HMBOX1: variants seen among roughly 807,000 people sequenced by gnomAD.
HMBOX1 encodes homeobox-containing protein 1.
Under a neutral mutation model 54.5 loss-of-function variants are expected in HMBOX1, and 14 were observed. The ratio of observed to expected loss-of-function variants is 0.26; its 90% confidence interval spans 0.17 to 0.40. The LOEUF is 0.40. Among genes scored for constraint, HMBOX1 ranks in the 10% least tolerant of loss-of-function variants. The pLI, the probability that HMBOX1 is intolerant of heterozygous loss-of-function variation, is 1.00. For missense variants in HMBOX1, 332 were observed against 514.4 expected, an observed-to-expected ratio of 0.65 and a Z score of 3.43; for synonymous variants, 160 against 181.0, an observed-to-expected ratio of 0.88 and a Z score of 0.93.
At chr8:29,027,520 G>A (rs1563609683) in intron 6 of HMBOX1, among the ~76,000 whole-genome samples, 1 of 152,130 alleles carries the variant, frequency 6.6e-6, no homozygotes, top group Non-Finnish European at 1.5e-5. Flanking sequence ...GTATGTGACT[G>A]GGACACAAAA....
chr8:28,970,280 A>T lies in HMBOX1; in HGVS notation c.261A>T (p.Thr87=). 6.2e-7 allele frequency: 1 copy of T among 1,614,218 alleles called. No homozygotes were observed. Among genetic ancestry groups the T allele is most frequent in the Non-Finnish European group, 8.5e-7 (1 of 1,180,016 alleles). Residue 87 remains threonine (T), a synonymous_variant, in exon 3 of 10, where the codon ACA becomes ACT. Coordinates refer to ENST00000287701, the MANE Select transcript of HMBOX1 (RefSeq NM_001135726.3). The surrounding 1 kb of genome is among the most constrained non-coding windows in gnomAD (Gnocchi z 4.3). ...TCCCAGCATCTTCCTCTACAGCTACAGCTTCCACACAGACGCAGCATTCGG... is the reference window on the plus strand; with the variant it reads ...TCCCAGCATCTTCCTCTACAGCTACTGCTTCCACACAGACGCAGCATTCGG... ...NNVPASSSTA[T]ASTQTQHSGM...
intron 1 of HMBOX1, among the ~76,000 whole-genome samples, chr8:28,895,539 G>A (rs1389485125): frequency 6.6e-6 from 1 of 152,118 alleles, no homozygotes; most frequent in Non-Finnish European, 1.5e-5. Context: ...GCTGGGTATG[G>A]TGGTGCATGC....
intron 1 of HMBOX1, among the ~76,000 whole-genome samples, chr8:28,930,139 G>T (rs900163288): frequency 6.6e-6 from 1 of 151,950 alleles, no homozygotes; most frequent in African/African-American, 2.4e-5. Flanking sequence ...TGCTGCTGTT[G>T]CTTCAAACTC....
chr8:28,905,865 A>G lies in HMBOX1; in HGVS notation c.-58+15187A>G, dbSNP rs560867019. Among the ~76,000 whole-genome samples the G allele has an allele frequency of 6.6e-5, 10 of 152,338 alleles. No individual in the cohort carries two copies. The East Asian group carries it at 1.9e-3, about 29-fold the overall frequency. ...AACATTTCTTAAACTTCTTTAAAAT[A>G]CTTAAACCCAGCATCTCAATTTTCA... On this transcript the variant is annotated intron_variant, in intron 1 of 9. Transcript: ENST00000287701.
At chr8:29,031,346 C>T (rs1048050919) in intron 6 of HMBOX1, among the ~76,000 whole-genome samples, 1 of 151,900 alleles carries the variant, frequency 6.6e-6, no homozygotes, top group African/African-American at 2.4e-5. Context: ...AGTAGAATAT[C>T]ATTGTAAGAT....
chr8:28,944,380 T>C (rs546234126), intron 1 of HMBOX1, among the ~76,000 whole-genome samples: 1 of 152,250 alleles, frequency 6.6e-6, no homozygotes, highest in South Asian at 2.1e-4. Context: ...CTTTCTAGAG[T>C]CTGGTCATTA....
intron 6 of HMBOX1, among the ~76,000 whole-genome samples, chr8:29,040,907 A>G (rs1379038799): frequency 6.6e-6 from 1 of 152,176 alleles, no homozygotes; most frequent in East Asian, 1.9e-4. Context: ...TATGTATACC[A>G]TGAATAATCG....
chr8:28,970,696 G>C lies in HMBOX1; in HGVS notation c.500+177G>C. The C allele has an allele frequency of 2.0e-6, 1 of 503,682 alleles. No homozygotes were observed. The highest frequency in any genetic ancestry group is 3.5e-6 in the Non-Finnish European group (1 of 288,464). 31.2% of individuals were successfully genotyped at this position (503,682 alleles called of 1,614,324 possible). A position where few individuals can be genotyped will look rare whatever the true frequency, so the allele number is the denominator to read the frequency against. On this transcript the variant is annotated intron_variant, in intron 3 of 9. Coordinates refer to ENST00000287701, the MANE Select transcript of HMBOX1 (RefSeq NM_001135726.3). This position sits in a 1 kb window ranked among gnomAD's most constrained non-coding sequence, Gnocchi z 4.3. ...GAAAGAAAGAAAGTTCAAGCTTTATGTTTTTAATTTAAATTTTCTCTTCTT... is the reference window on the plus strand; with the variant it reads ...GAAAGAAAGAAAGTTCAAGCTTTATCTTTTTAATTTAAATTTTCTCTTCTT...
chr8:28,980,219 T>C (rs1247210863), intron 4 of HMBOX1, 63 bp downstream of exon 4: 2 of 1,180,294 alleles, frequency 1.7e-6, no homozygotes, highest in African/African-American at 3.0e-5. Flanking sequence ...GGTGCAGATG[T>C]TGGAATATTG....
chr8:28,934,745 G>A (rs1820089574), intron 1 of HMBOX1, among the ~76,000 whole-genome samples: 1 of 151,802 alleles, frequency 6.6e-6, no homozygotes, highest in African/African-American at 2.4e-5. Context: ...CTAACACGGT[G>A]AAACCCCATC....
intron 6 of HMBOX1, among the ~76,000 whole-genome samples, chr8:29,023,285 A>T (rs893764380): frequency 3.3e-5 from 5 of 152,034 alleles, no homozygotes; most frequent in Non-Finnish European, 5.9e-5. Context: ...ATCTTGATTT[A>T]AAAAAAACAG....
chr8:28,965,578 A>G (rs10503835), intron 2 of HMBOX1, among the ~76,000 whole-genome samples: 32,109 of 152,142 alleles, frequency 0.21, 3,500 homozygotes, highest in South Asian at 0.3. Flanking sequence ...GTACCTTTAC[A>G]TGAGCAGTTC....
chr8:28,896,822 T>C (rs987049417), intron 1 of HMBOX1, among the ~76,000 whole-genome samples: 3 of 152,102 alleles, frequency 2.0e-5, no homozygotes, highest in Admixed American at 6.5e-5. Flanking sequence ...TTTCTCAGAG[T>C]GTATCTCTGT....
In HMBOX1 at chr8:28,970,342, C is replaced by T. The variant is rs766917928; in HGVS notation, c.323C>T (p.Ser108Phe). ...SPSPSNSYDT[S>F]PQPCTTNQNG... Reference sequence around the variant, plus strand: ...TCACCTAGCAACAGTTATGATACTTCCCCACAGCCTTGCACTACCAATCAA... The same window carrying T: ...TCACCTAGCAACAGTTATGATACTTTCCCACAGCCTTGCACTACCAATCAA... Residue 108 changes from serine (S) to phenylalanine (F), a missense_variant, in exon 3 of 10, where the codon TCC (serine) becomes TTC (phenylalanine). Ser to Phe is a radical substitution (Grantham distance 155). This residue lies in a region of HMBOX1 where 146 missense variants were observed against 173.3 expected (regional missense o/e 0.84). Transcript: ENST00000287701. This position sits in a 1 kb window ranked among gnomAD's most constrained non-coding sequence, Gnocchi z 4.3. 4 of 1,614,034 alleles carry T rather than the reference C, an allele frequency of 2.5e-6. No individual in the cohort carries two copies.
At chr8:28,960,765 CTTTTTTTT>C (rs1162477676) in intron 1 of HMBOX1, among the ~76,000 whole-genome samples, 1 of 16,268 alleles carries the variant, frequency 6.1e-5, no homozygotes, top group African/African-American at 1.7e-4. Flanking sequence ...TTTTCTTTTT[CTTTTTTTT>C]TTTTTTTTTT....
chr8:28,890,402 T>C lies in HMBOX1; in HGVS notation c.-334T>C, dbSNP rs73554876. 4.8e-3 allele frequency: 781 copies of C among 163,244 alleles called. 3 individuals carry two copies. Among genetic ancestry groups the C allele is most frequent in the African/African-American group, 0.016 (682 of 41,696 alleles). The allele number at this position is 163,244 out of a possible 1,614,324, so 10.1% of individuals were successfully genotyped here. A position where few individuals can be genotyped will look rare whatever the true frequency, so the allele number is the denominator to read the frequency against. ...GCAGGTGGGAGAGGGGCTGTTGATA[T>C]CAATATGGCGGTTGTCAGCCAGACA... On this transcript the variant is annotated 5_prime_UTR_variant, in exon 1 of 10. Transcript: ENST00000287701.
chr8:29,047,500 C>T (rs144659674), intron 8 of HMBOX1, 47 bp downstream of exon 8: 19 of 930,298 alleles, frequency 2.0e-5, no homozygotes, highest in East Asian at 9.8e-5. Context: ...CAGTTGTGAA[C>T]GTCATGTTTA....
At chr8:28,924,181 A>G (rs572563578) in intron 1 of HMBOX1, among the ~76,000 whole-genome samples, 2 of 149,362 alleles carry the variant, frequency 1.3e-5, no homozygotes, top group East Asian at 3.9e-4. Flanking sequence ...ATCTTGGCTC[A>G]CTGCAAGCTC....
At chr8:28,936,544 C>T (rs537558580) in intron 1 of HMBOX1, among the ~76,000 whole-genome samples, 37 of 151,720 alleles carry the variant, frequency 2.4e-4, no homozygotes, top group African/African-American at 7.7e-4. Context: ...TGTAATTATC[C>T]ACTGTGAGAA....
Sources: allele counts gnomAD v4.1 joint callset (sites outside exome capture counted in the v4.1 genomes callset), GRCh38; gene constraint gnomAD v4.1.1; regional missense constraint gnomAD v4.1.1; non-coding constraint Gnocchi (gnomAD v3.1); transcripts MANE v1.5; gene names NCBI Gene and HGNC (gene_info 2026-07-23, HGNC 2026-07-21).